The following IGF1R variants were observed in gnomAD, a reference collection of about 807,000 sequenced individuals.
IGF1R encodes insulin-like growth factor 1 receptor.
In IGF1R, 44 loss-of-function variants were observed where a neutral mutation model predicts 144.6. The observed-to-expected ratio is 0.30, with a 90% CI of 0.24 to 0.39. IGF1R has a LOEUF of 0.39. IGF1R is among the 10% of genes least tolerant of loss of function. The probability of loss-of-function intolerance (pLI) is 1.00; values close to 1 mark genes in which losing one functional copy is unlikely to be tolerated. For missense variants in IGF1R, 1,355 were observed against 1,833.7 expected (o/e 0.74, Z 4.77); for synonymous variants, 795 against 722.8 (o/e 1.10, Z -1.60).
In IGF1R at chr15:98,960,541, C is replaced by T; in HGVS notation, c.*3099C>T. On this transcript the variant is annotated 3_prime_UTR_variant, in exon 21 of 21. Coordinates refer to ENST00000650285, the MANE Select transcript of IGF1R (RefSeq NM_000875.5). ...GGAAGGTGTCCAGGCAGCACCATCT[C>T]TGTGCGAATCCCCAGGGTAAAGGCG... The T allele has an allele frequency of 4.3e-6, 1 of 233,500 alleles. No individual in the cohort carries two copies. The highest frequency in any genetic ancestry group is 8.5e-6 in the Non-Finnish European group (1 of 118,196). The allele number at this position is 233,500 out of a possible 1,614,324, so 14.5% of individuals were successfully genotyped here.
intron 2 of IGF1R, among the ~76,000 whole-genome samples, chr15:98,815,353 C>T (rs2056674100): frequency 1.3e-5 from 2 of 152,076 alleles, no homozygotes; most frequent in East Asian, 1.9e-4. Flanking sequence ...TGCTCCTTTC[C>T]GAATGGAATT....
At chr15:98,878,433 A>C (rs2013171047) in intron 2 of IGF1R, among the ~76,000 whole-genome samples, 1 of 152,176 alleles carries the variant, frequency 6.6e-6, no homozygotes. Context: ...GAGTTTTATA[A>C]ACTTATAAGG....
At chr15:98,847,272 G>A (rs957979401) in intron 2 of IGF1R, among the ~76,000 whole-genome samples, 21 of 152,076 alleles carry the variant, frequency 1.4e-4, no homozygotes, top group African/African-American at 4.6e-4. Context: ...CACCTTGCCC[G>A]GCTACCGGAC....
chr15:98,900,316 C>T (rs1330713835), intron 5 of IGF1R, among the ~76,000 whole-genome samples: 2 of 152,186 alleles, frequency 1.3e-5, no homozygotes, highest in Non-Finnish European at 2.9e-5. Context: ...TTTAAACTCT[C>T]CCTTTTAAAT....
intron 2 of IGF1R, among the ~76,000 whole-genome samples, chr15:98,802,214 T>C (rs2056378074): frequency 6.6e-6 from 1 of 152,238 alleles, no homozygotes; most frequent in Non-Finnish European, 1.5e-5. Context: ...GATCACTGTT[T>C]ATAGCCAGTC....
chr15:98,654,027 A>G lies in IGF1R; in HGVS notation c.94+4352A>G, dbSNP rs577933195. Reference sequence around the variant, plus strand: ...AACCTGCAGAGTCTTGCATGAAACCACCTTTCTTGAAATTCAGATTTTTTT... The same window carrying G: ...AACCTGCAGAGTCTTGCATGAAACCGCCTTTCTTGAAATTCAGATTTTTTT... On this transcript the variant is annotated intron_variant, in intron 1 of 20. Coordinates refer to ENST00000650285, the MANE Select transcript of IGF1R (RefSeq NM_000875.5). Among the ~76,000 whole-genome samples, 17 of 152,312 alleles carry G rather than the reference A, an allele frequency of 1.1e-4. No homozygotes were observed. In the East Asian group the frequency reaches 3.3e-3, roughly 29 times the overall value.
At chr15:98,682,159 G>T (rs1229585224) in intron 1 of IGF1R, among the ~76,000 whole-genome samples, 1 of 152,192 alleles carries the variant, frequency 6.6e-6, no homozygotes, top group Non-Finnish European at 1.5e-5. Context: ...GAAGTGTTCA[G>T]TGGTGAACTT....
chr15:98,650,726 C>G (rs1359338323), intron 1 of IGF1R, among the ~76,000 whole-genome samples: 1 of 152,214 alleles, frequency 6.6e-6, no homozygotes, highest in Non-Finnish European at 1.5e-5. Context: ...TTGTGTTTTG[C>G]GAGCGCGGAG....
intron 8 of IGF1R, among the ~76,000 whole-genome samples, chr15:98,914,935 C>G (rs1328386965): frequency 6.6e-6 from 1 of 152,098 alleles, no homozygotes; most frequent in Admixed American, 6.5e-5. Context: ...TCTGAAAACG[C>G]CAGTATTAGT....
intron 2 of IGF1R, among the ~76,000 whole-genome samples, chr15:98,817,226 C>T (rs542309821): frequency 5.1e-4 from 78 of 152,008 alleles, no homozygotes; most frequent in Middle Eastern, 3.4e-3. Flanking sequence ...GGCTTGAACC[C>T]GGGAGGCAGA....
intron 2 of IGF1R, among the ~76,000 whole-genome samples, chr15:98,785,169 T>C (rs1596303179): frequency 6.6e-6 from 1 of 152,232 alleles, no homozygotes; most frequent in South Asian, 2.1e-4. Context: ...CTTACAGTAA[T>C]TAACCTCCAA....
At chr15:98,777,361 A>G (rs994971722) in intron 2 of IGF1R, among the ~76,000 whole-genome samples, 1 of 152,216 alleles carries the variant, frequency 6.6e-6, no homozygotes, top group African/African-American at 2.4e-5. Context: ...TAAACCTTTC[A>G]AAGAGGGAAG....
chr15:98,676,991 A>G (rs2053063570), intron 1 of IGF1R, among the ~76,000 whole-genome samples: 1 of 151,926 alleles, frequency 6.6e-6, no homozygotes, highest in Non-Finnish European at 1.5e-5. Context: ...GCTGGAGTGC[A>G]GTGGTGCGGT....
At chr15:98,907,796 T>C (rs1177571540) in intron 5 of IGF1R, among the ~76,000 whole-genome samples, 4 of 152,210 alleles carry the variant, frequency 2.6e-5, no homozygotes, top group African/African-American at 9.6e-5. Flanking sequence ...GCACACCCTC[T>C]GGGGCAGAAG....
rs1224354167 is a variant in IGF1R at position 98,792,932 on chromosome 15, C to T, written c.640+84825C>T. On this transcript the variant is annotated intron_variant, in intron 2 of 20. Coordinates refer to ENST00000650285, the MANE Select transcript of IGF1R (RefSeq NM_000875.5). ...TTTCTATGCGCTGAAACTCTGTAAA[C>T]GCGTGTAGCTTTGTCTACCATTGTA... Among the ~76,000 whole-genome samples, 4 of 152,150 alleles carry T rather than the reference C, an allele frequency of 2.6e-5. No homozygotes were observed. In the South Asian group the frequency reaches 8.3e-4, roughly 31 times the overall value.
At chr15:98,850,784 G>C (rs888965816) in intron 2 of IGF1R, among the ~76,000 whole-genome samples, 1 of 152,142 alleles carries the variant, frequency 6.6e-6, no homozygotes, top group Non-Finnish European at 1.5e-5. Context: ...CAAGAAACTA[G>C]GTAGGGGTAC....
intron 17 of IGF1R, among the ~76,000 whole-genome samples, chr15:98,936,676 CT>C (rs1404059422): frequency 1.3e-5 from 2 of 149,870 alleles, no homozygotes; most frequent in African/African-American, 4.9e-5. Flanking sequence ...GTGACAGTTT[CT>C]TAATTTTAGT....
chr15:98,872,505 GTTCAGTCTAGGGATCAAATAATAA>G (rs2012836046), intron 2 of IGF1R, among the ~76,000 whole-genome samples: 1 of 152,198 alleles, frequency 6.6e-6, no homozygotes, highest in Non-Finnish European at 1.5e-5. Context: ...AGGACTAGAA[GTTCAGTCTAGGGATCAAATAATAA>G]TAGTAGCTAA....
At chr15:98,766,152 C>G (rs1246146743) in intron 2 of IGF1R, among the ~76,000 whole-genome samples, 2 of 152,198 alleles carry the variant, frequency 1.3e-5, no homozygotes, top group Non-Finnish European at 2.9e-5. Context: ...GTGCTTCATT[C>G]TTCAGTCATT....
Sources: gnomAD v4.1 joint callset for allele counts (sites outside exome capture counted in the v4.1 genomes callset) on GRCh38, gnomAD v4.1.1 for gene constraint, MANE v1.5 for transcripts, NCBI Gene and HGNC (gene_info 2026-07-23, HGNC 2026-07-21) for gene names.